GAREM1: variants seen among roughly 807,000 people sequenced by gnomAD.
GAREM1 encodes GRB2-associated and regulator of MAPK protein 1.
Under a neutral mutation model 71.3 loss-of-function variants are expected in GAREM1, and 26 were observed. The observed-to-expected ratio is 0.36, with a 90% CI of 0.27 to 0.51. The LOEUF (loss-of-function observed/expected upper bound fraction) is 0.51. Among genes scored for constraint, GAREM1 ranks in the 20% least tolerant of loss-of-function variants. The pLI is 0.95. For synonymous variants in GAREM1, 440 were observed against 433.2 expected (o/e 1.02, Z -0.20); for missense variants, 1,026 against 1,103.1 (o/e 0.93, Z 0.99).
intron 4 of GAREM1, among the ~76,000 whole-genome samples, chr18:32,273,877 A>G (rs534445793): frequency 6.6e-6 from 1 of 152,302 alleles, no homozygotes; most frequent in Non-Finnish European, 1.5e-5. Context: ...AGGTCAAGGT[A>G]AAAGAATTAG....
intron 1 of GAREM1, among the ~76,000 whole-genome samples, chr18:32,407,856 G>C (rs374873627): frequency 9.2e-5 from 14 of 152,036 alleles, no homozygotes; most frequent in African/African-American, 3.1e-4. Flanking sequence ...TCTGTGACTT[G>C]AGTCCAAGCT....
chr18:32,345,048 C>G (rs560894203), intron 2 of GAREM1, among the ~76,000 whole-genome samples: 1 of 152,130 alleles, frequency 6.6e-6, no homozygotes, highest in South Asian at 2.1e-4. Flanking sequence ...GGCGAAAGAG[C>G]AAGACTCAGT....
At chr18:32,312,728 C>G (rs148851837) in intron 2 of GAREM1, among the ~76,000 whole-genome samples, 171 of 152,202 alleles carry the variant, frequency 1.1e-3, no homozygotes, top group African/African-American at 4.0e-3. Context: ...TGGGAATGAC[C>G]AGCAGAGGGG....
At chr18:32,366,645 A>T (rs949670882) in intron 2 of GAREM1, among the ~76,000 whole-genome samples, 9 of 152,226 alleles carry the variant, frequency 5.9e-5, no homozygotes, top group African/African-American at 1.9e-4. Context: ...TTCACAAGAC[A>T]GTCTAATGAT....
intron 2 of GAREM1, among the ~76,000 whole-genome samples, chr18:32,327,468 T>C (rs577351607): frequency 6.6e-6 from 1 of 152,142 alleles, no homozygotes; most frequent in Non-Finnish European, 1.5e-5. Flanking sequence ...CACAGAAAAT[T>C]CATTATACTA....
intron 3 of GAREM1, among the ~76,000 whole-genome samples, chr18:32,301,330 A>G (rs2047199443): frequency 6.6e-6 from 1 of 152,238 alleles, no homozygotes; most frequent in Non-Finnish European, 1.5e-5. Context: ...TCATTCTGAC[A>G]TGTGATATTT....
At chr18:32,366,946 G>T (rs2047933469) in intron 2 of GAREM1, among the ~76,000 whole-genome samples, 1 of 152,094 alleles carries the variant, frequency 6.6e-6, no homozygotes, top group East Asian at 1.9e-4. Flanking sequence ...ACTTAACAGT[G>T]AACACCCTGT....
intron 1 of GAREM1, among the ~76,000 whole-genome samples, chr18:32,432,091 C>T (rs1467337171): frequency 6.6e-6 from 1 of 151,860 alleles, no homozygotes; most frequent in Non-Finnish European, 1.5e-5. Flanking sequence ...GAAATGGCAA[C>T]AGAAGGAAAC....
chr18:32,441,387 T>A (rs933582422), intron 1 of GAREM1, among the ~76,000 whole-genome samples: 1 of 152,086 alleles, frequency 6.6e-6, no homozygotes, highest in Non-Finnish European at 1.5e-5. Flanking sequence ...GACTAAATAA[T>A]CCATCTAAAG....
chr18:32,325,395 C>A (rs1170191713), intron 2 of GAREM1, among the ~76,000 whole-genome samples: 1 of 152,136 alleles, frequency 6.6e-6, no homozygotes, highest in African/African-American at 2.4e-5. Context: ...CATGTCAGTG[C>A]AGGTTCATCG....
chr18:32,275,391 T>G lies in GAREM1; in HGVS notation c.1567-5008A>C, dbSNP rs557675968. 3.3e-5 allele frequency among the ~76,000 whole-genome samples: 5 copies of G among 152,322 alleles called. No homozygotes were observed. In the South Asian group the frequency reaches 1.0e-3, roughly 32 times the overall value. On this transcript the variant is annotated intron_variant, in intron 4 of 5. Coordinates refer to ENST00000269209, the MANE Select transcript of GAREM1 (RefSeq NM_001242409.2). ...ATTATCAGGAATGAACCTCCAACCC[T>G]CACGCTCAGTGAAGAGCTGGCGTTC...
At chr18:32,392,819 A>G in intron 2 of GAREM1, 76 bp downstream of exon 2, 2 of 1,497,964 alleles carry the variant, frequency 1.3e-6, no homozygotes, top group South Asian at 1.2e-5. Context: ...TTTACAGACA[A>G]TTCTTAGAGG....
chr18:32,375,847 T>C (rs894541102), intron 2 of GAREM1, among the ~76,000 whole-genome samples: 6 of 152,322 alleles, frequency 3.9e-5, no homozygotes, highest in Admixed American at 2.6e-4. Flanking sequence ...AAAAACTTGA[T>C]TGGGGCAGCG....
chr18:32,370,754 A>T (rs2047970260), intron 2 of GAREM1, among the ~76,000 whole-genome samples: 1 of 152,148 alleles, frequency 6.6e-6, no homozygotes, highest in South Asian at 2.1e-4. Flanking sequence ...TGCTGTTTAC[A>T]ATTTTTATAT....
chr18:32,353,002 C>A (rs16963233), intron 2 of GAREM1, among the ~76,000 whole-genome samples: 16,098 of 152,158 alleles, frequency 0.11, 945 homozygotes, highest in African/African-American at 0.15. Context: ...CCAACTCATA[C>A]AATCTTTCAA....
chr18:32,439,264 A>T (rs2048711489), intron 1 of GAREM1, among the ~76,000 whole-genome samples: 1 of 152,190 alleles, frequency 6.6e-6, no homozygotes, highest in Admixed American at 6.5e-5. Context: ...TTTAACATGA[A>T]GAATTATAGA....
At chr18:32,355,994 C>T (rs1358183163) in intron 2 of GAREM1, among the ~76,000 whole-genome samples, 3 of 152,190 alleles carry the variant, frequency 2.0e-5, no homozygotes, top group Non-Finnish European at 4.4e-5. Flanking sequence ...GTCACGATTA[C>T]CTCCTAAATG....
chr18:32,459,848 G>A (rs903816208), intron 1 of GAREM1, among the ~76,000 whole-genome samples: 1 of 152,038 alleles, frequency 6.6e-6, no homozygotes, highest in Non-Finnish European at 1.5e-5. Flanking sequence ...ATGGAATATA[G>A]CATCTGCACA....
chr18:32,353,215 T>C (rs1479786835), intron 2 of GAREM1, among the ~76,000 whole-genome samples: 2 of 152,220 alleles, frequency 1.3e-5, no homozygotes, highest in Non-Finnish European at 2.9e-5. Flanking sequence ...AATCAGACGA[T>C]AACAAAGTCA....
Sources: gnomAD v4.1 joint callset for allele counts (sites outside exome capture counted in the v4.1 genomes callset) on GRCh38, gnomAD v4.1.1 for gene constraint, MANE v1.5 for transcripts, NCBI Gene and HGNC (gene_info 2026-07-23, HGNC 2026-07-21) for gene names.